The following UNG variants were observed in gnomAD, a reference collection of about 807,000 sequenced individuals.
UNG encodes uracil DNA glycosylase.
Under a neutral mutation model 36.5 loss-of-function variants are expected in UNG, and 34 were observed. That is an observed-to-expected ratio of 0.93 (90% CI 0.71 to 1.24). UNG has a LOEUF of 1.24. Among genes scored for constraint, UNG ranks in the 50% most tolerant of loss-of-function variants. The probability of loss-of-function intolerance (pLI) is 0.00; values close to 1 mark genes in which losing one functional copy is unlikely to be tolerated. For synonymous variants in UNG, 172 were observed against 157.8 expected, an observed-to-expected ratio of 1.09 and a Z score of -0.67; for missense variants, 391 against 397.6, an observed-to-expected ratio of 0.98 and a Z score of 0.14.
intron 6 of UNG, among the ~76,000 whole-genome samples, chr12:109,106,921 A>ATATATATATATACGTATATATATGTGTG (rs1593324418): frequency 1.3e-4 from 5 of 39,402 alleles, no homozygotes; most frequent in Non-Finnish European, 1.5e-4. Context: ...ATATATGTGT[A>ATATATATATATACGTATATATATGTGTG]TATATATATA....
At chr12:109,108,426 G>C (rs2042234017) in intron 6 of UNG, among the ~76,000 whole-genome samples, 1 of 152,016 alleles carries the variant, frequency 6.6e-6, no homozygotes, top group Non-Finnish European at 1.5e-5. Flanking sequence ...TGAGCTCAGG[G>C]GTTTGAGAAC....
intron 6 of UNG, among the ~76,000 whole-genome samples, chr12:109,109,589 C>T (rs1406971208): frequency 2.0e-5 from 3 of 151,832 alleles, no homozygotes; most frequent in Non-Finnish European, 2.9e-5. Context: ...TCGAGACCAT[C>T]CTGGCCAATA....
chr12:109,105,679 C>T (rs1368557), intron 6 of UNG, among the ~76,000 whole-genome samples: 2 of 152,342 alleles, frequency 1.3e-5, no homozygotes, highest in Non-Finnish European at 1.5e-5. Context: ...CCAGCCAGAT[C>T]TATTACTGAC....
At chr12:109,103,357 G>A in intron 5 of UNG, 76 bp from the exon 6 acceptor site, 2 of 1,383,896 alleles carry the variant, frequency 1.4e-6, no homozygotes. Flanking sequence ...GTTTCATCAT[G>A]GATTTAGCTC....
At chr12:109,109,210 T>C (rs768015057) in intron 6 of UNG, among the ~76,000 whole-genome samples, 1 of 152,202 alleles carries the variant, frequency 6.6e-6, no homozygotes, top group Non-Finnish European at 1.5e-5. Flanking sequence ...GTATGCATCA[T>C]GGTGTCCTTT....
intron 6 of UNG, among the ~76,000 whole-genome samples, chr12:109,109,198 G>T (rs112023422): frequency 6.6e-6 from 1 of 152,196 alleles, no homozygotes; most frequent in Admixed American, 6.5e-5. Context: ...TTATCTGTGT[G>T]TGTATGCATC....
chr12:109,102,588 G>C (rs3219232), intron 4 of UNG, among the ~76,000 whole-genome samples: 3,230 of 152,252 alleles, frequency 0.021, 318 homozygotes, highest in Admixed American at 0.16. Flanking sequence ...GTAACTGCTG[G>C]GTTGATTTAC....
intron 6 of UNG, 122 bp from the exon 7 acceptor site, chr12:109,109,707 C>T (rs921481378): frequency 5.6e-6 from 7 of 1,245,828 alleles, no homozygotes; most frequent in East Asian, 2.6e-5. Flanking sequence ...CGCTTGAACC[C>T]GGGAGGCGGA....
chr12:109,105,278 C>T (rs1375785560), intron 6 of UNG: 1 of 152,182 alleles, frequency 6.6e-6, no homozygotes, highest in South Asian at 2.1e-4. Context: ...TAGGCATACA[C>T]TTGTATGAGT....
At chr12:109,103,123 T>C (rs2042190808) in intron 5 of UNG, among the ~76,000 whole-genome samples, 196 bp downstream of exon 5, 1 of 152,058 alleles carries the variant, frequency 6.6e-6, no homozygotes, top group South Asian at 2.1e-4. Context: ...GGCTAATTTT[T>C]TAATGTATTT....
Position 109,098,420 on chromosome 12 carries a change from G to T in UNG, c.133-12G>T. On this transcript the variant is annotated splice_polypyrimidine_tract_variant and intron_variant, in intron 1 of 6. Transcript: ENST00000242576. ...GCAGCTCTTGAGCCGCCTCTGCGGGGACCACTTGCAGGCCATCCCAGCCAA... is the reference window on the plus strand; with the variant it reads ...GCAGCTCTTGAGCCGCCTCTGCGGGTACCACTTGCAGGCCATCCCAGCCAA... The T allele has an allele frequency of 6.2e-7, 1 of 1,605,562 alleles. No homozygotes were observed. The highest frequency in any genetic ancestry group is 8.5e-7 in the Non-Finnish European group (1 of 1,176,114).
At position 109,098,476 on chromosome 12, in the gene UNG, GACGC is replaced by G. The variant is rs767474385; in HGVS notation, c.178_181del (p.Thr60ArgfsTer6). 1.8e-5 allele frequency: 29 copies of G among 1,612,076 alleles called. No homozygotes were observed. The highest frequency in any genetic ancestry group is 1.6e-4 in the Middle Eastern group (1 of 6,070). ...CCCCGGCTGGGCAGGAGGAGCCTGG[GACGC>G]CGCCCTCCTCGCCGCTGAGTGCCGA... is the stretch of plus-strand genomic sequence containing the variant. On this transcript the variant is annotated frameshift_variant, in exon 2 of 7. Transcript: ENST00000242576. LOFTEE classifies it high-confidence loss of function.
chr12:109,098,487 C>T lies in UNG; in HGVS notation c.188C>T (p.Ser63Phe), dbSNP rs140065688. The T allele has an allele frequency of 2.4e-5, 38 of 1,612,270 alleles. No individual in the cohort carries two copies. The highest frequency in any genetic ancestry group is 3.1e-5 in the Non-Finnish European group (36 of 1,179,608). ...CAGGAGGAGCCTGGGACGCCGCCCT[C>T]CTCGCCGCTGAGTGCCGAGCAGTTG... ...AGQEEPGTPP[S>F]SPLSAEQLDR... The change falls in exon 2 of 7, where the codon TCC becomes TTC. Residue 63 changes from serine (S) to phenylalanine (F), a missense_variant. Ser to Phe is a radical substitution (Grantham distance 155). Transcript: ENST00000242576.
At chr12:109,104,207 G>T (rs111664399) in intron 6 of UNG, among the ~76,000 whole-genome samples, 41 of 151,876 alleles carry the variant, frequency 2.7e-4, no homozygotes, top group Non-Finnish European at 5.0e-4. Flanking sequence ...CACCACACCC[G>T]GCTGATTTTT....
chr12:109,099,031 C>A (rs1356752545), intron 2 of UNG, among the ~76,000 whole-genome samples, 158 bp from the exon 3 acceptor site: 1 of 152,142 alleles, frequency 6.6e-6, no homozygotes, highest in African/African-American at 2.4e-5. Context: ...GGTGGGGGGG[C>A]AGGCACTGTT....
intron 2 of UNG, 52 bp downstream of exon 2, chr12:109,098,690 C>G (rs765063665): frequency 2.9e-5 from 47 of 1,610,980 alleles, no homozygotes; most frequent in Non-Finnish European, 3.9e-5. Flanking sequence ...GCTGCCGGCC[C>G]TTTTGTCTTG....
At position 109,097,884 on chromosome 12, in the gene UNG, G is replaced by C; in HGVS notation, c.132+73G>C. 2.8e-6 allele frequency: 4 copies of C among 1,435,028 alleles called. No individual in the cohort carries two copies. The East Asian group carries it at 7.6e-5, about 27-fold the overall frequency. 88.9% of individuals were successfully genotyped at this position (1,435,028 alleles called of 1,614,324 possible). A position where few individuals can be genotyped will look rare whatever the true frequency, so the allele number is the denominator to read the frequency against. On this transcript the variant is annotated intron_variant, in intron 1 of 6. Coordinates refer to ENST00000242576, the MANE Select transcript of UNG (RefSeq NM_080911.3). Reference sequence around the variant, plus strand: ...CGGTGGGCCCCGCCTGACGGAGGGCGTGCAGGATCGCGCCTCTGACTCGGT... The same window carrying C: ...CGGTGGGCCCCGCCTGACGGAGGGCCTGCAGGATCGCGCCTCTGACTCGGT...
At chr12:109,100,005 TG>T in intron 3 of UNG, among the ~76,000 whole-genome samples, 1 of 152,104 alleles carries the variant, frequency 6.6e-6, no homozygotes, top group Non-Finnish European at 1.5e-5. Context: ...GAGGTTGCAG[TG>T]AGCTGAGATC....
chr12:109,109,655 C>T (rs752769872), intron 6 of UNG, among the ~76,000 whole-genome samples, 174 bp from the exon 7 acceptor site: 2 of 151,088 alleles, frequency 1.3e-5, no homozygotes, highest in Admixed American at 6.6e-5. Context: ...TGGTGGCACG[C>T]GCCTGTAGTC....
Sources: allele counts gnomAD v4.1 joint callset (sites outside exome capture counted in the v4.1 genomes callset), GRCh38; gene constraint gnomAD v4.1.1; transcripts MANE v1.5; gene names NCBI Gene and HGNC (gene_info 2026-07-23, HGNC 2026-07-21).